Variants in SUCO observed in about 807,000 individuals in gnomAD.
SUCO encodes SUN domain-containing ossification factor.
Under a neutral mutation model 148.1 loss-of-function variants are expected in SUCO, and 57 were observed. The ratio of observed to expected loss-of-function variants is 0.38; its 90% CI spans 0.31 to 0.48. SUCO has a LOEUF of 0.48. SUCO is among the 20% of genes least tolerant of loss of function. The pLI is 0.96. For missense variants in SUCO, 1,331 were observed against 1,468.2 expected, an observed-to-expected ratio of 0.91 and a Z score of 1.53; for synonymous variants, 470 against 502.7, an observed-to-expected ratio of 0.93 and a Z score of 0.87.
At chr1:172,556,868 G>T in intron 4 of SUCO, 2 of 865,256 alleles carry the variant, frequency 2.3e-6, no homozygotes, top group Non-Finnish European at 2.8e-6. Flanking sequence ...TGGAGGTGAG[G>T]CAGGGAAAAA....
At chr1:172,564,190 AAAT>A (rs1453848700) in intron 6 of SUCO, among the ~76,000 whole-genome samples, 1 of 152,234 alleles carries the variant, frequency 6.6e-6, no homozygotes, top group Non-Finnish European at 1.5e-5. Flanking sequence ...TGCAGAGGGG[AAAT>A]ATGGGGTGGG....
intron 1 of SUCO, among the ~76,000 whole-genome samples, chr1:172,547,422 C>G (rs908660532): frequency 6.6e-6 from 1 of 152,134 alleles, no homozygotes; most frequent in Non-Finnish European, 1.5e-5. Context: ...AGAATTGCAA[C>G]TGCTGAAACG....
intron 6 of SUCO, 137 bp from the exon 7 acceptor site, chr1:172,568,882 G>A (rs1234094942): frequency 1.5e-5 from 13 of 849,322 alleles, no homozygotes; most frequent in South Asian, 1.1e-4. Context: ...TTCTTTTTAC[G>A]TTTTTTATTT....
Position 172,575,566 on chromosome 1 carries a change from T to G in SUCO, c.1206T>G (p.Asp402Glu). ...WIKLGTFHGR[D>E]ERNVQSFPLD... ...AGCTGGGTACTTTTCATGGTAGAGA[T>G]GAGCGGAATGTACAGAGTTTCCCTT... The change falls in exon 11 of 24, where the codon GAT becomes GAG. Residue 402 changes from aspartate to glutamate, a missense_variant. Asp to Glu is a conservative substitution (Grantham distance 45, BLOSUM62 2). Coordinates refer to ENST00000263688, the MANE Select transcript of SUCO (RefSeq NM_014283.5). 6.2e-7 allele frequency: 1 copy of G among 1,612,456 alleles called. No individual in the cohort carries two copies. The highest frequency in any genetic ancestry group is 8.5e-7 in the Non-Finnish European group (1 of 1,178,882).
intron 17 of SUCO, 73 bp downstream of exon 17, chr1:172,586,021 A>G: frequency 1.1e-6 from 1 of 929,692 alleles, no homozygotes; most frequent in Non-Finnish European, 1.6e-6. Context: ...AAAAAAAGGA[A>G]TTTGTGATTT....
intron 6 of SUCO, among the ~76,000 whole-genome samples, chr1:172,561,626 A>T (rs988062720): frequency 6.6e-5 from 10 of 152,038 alleles, no homozygotes; most frequent in African/African-American, 2.2e-4. Context: ...GGTGTTTCCT[A>T]GGAGGTTGGC....
chr1:172,600,806 A>T (rs1657460756), intron 20 of SUCO, among the ~76,000 whole-genome samples: 1 of 151,974 alleles, frequency 6.6e-6, no homozygotes. Flanking sequence ...TGGTATTACA[A>T]CTAAGTACTC....
Position 172,610,874 on chromosome 1 carries a change from G to C in SUCO, c.*615G>C, listed in dbSNP as rs1462101744. 1 of 152,554 alleles carries C rather than the reference G, an allele frequency of 6.6e-6. No individual in the cohort carries two copies. The highest frequency in any genetic ancestry group is 1.5e-5 in the Non-Finnish European group (1 of 68,016). 9.5% of individuals were successfully genotyped at this position (152,554 alleles called of 1,614,324 possible). On this transcript the variant is annotated 3_prime_UTR_variant, in exon 24 of 24. Transcript: ENST00000263688. ...ATTTTTAAGTCTGTTCTGTTAGGTA[G>C]ATGGTGATGCTCTTGTTATTTTCAC...
intron 23 of SUCO, chr1:172,609,230 A>G: frequency 3.1e-6 from 3 of 981,196 alleles, no homozygotes; most frequent in Non-Finnish European, 3.6e-6. Context: ...TTTTTTTTTA[A>G]TAAAAAAACA....
intron 10 of SUCO, among the ~76,000 whole-genome samples, chr1:172,575,310 A>AT (rs1655353270): frequency 6.6e-6 from 1 of 151,862 alleles, no homozygotes; most frequent in Non-Finnish European, 1.5e-5. Context: ...TAATGGTGTG[A>AT]TTTTTCAAGG....
chr1:172,609,099 CA>C (rs1356449701), intron 23 of SUCO: 11 of 352,380 alleles, frequency 3.1e-5, no homozygotes, highest in South Asian at 1.2e-4. Context: ...TGACCCTTCA[CA>C]AAAAAAATTT....
intron 23 of SUCO, 137 bp downstream of exon 23, chr1:172,608,939 A>G: frequency 1.5e-6 from 1 of 679,276 alleles, no homozygotes; most frequent in Non-Finnish European, 2.5e-6. Context: ...TAATGTTGTA[A>G]ATAAATATTA....
intron 1 of SUCO, chr1:172,541,956 G>A: frequency 3.7e-6 from 2 of 534,892 alleles, no homozygotes; most frequent in Non-Finnish European, 4.8e-6. Flanking sequence ...AATTGGTGGT[G>A]GTCAAAAAGA....
At chr1:172,570,774 G>T (rs745973299) in intron 9 of SUCO, 44 bp downstream of exon 9, 5 of 1,156,030 alleles carry the variant, frequency 4.3e-6, no homozygotes, top group South Asian at 1.3e-5. Context: ...ACATATATAT[G>T]CATATTATGT....
At chr1:172,583,734 G>A (rs1395074836) in intron 15 of SUCO, among the ~76,000 whole-genome samples, 1 of 152,104 alleles carries the variant, frequency 6.6e-6, no homozygotes, top group Non-Finnish European at 1.5e-5. Flanking sequence ...TTAATAGTAG[G>A]AGTATCTGAT....
In SUCO at chr1:172,533,518, G is replaced by T; in HGVS notation, c.62+21G>T. 4 of 1,527,854 alleles carry T rather than the reference G, an allele frequency of 2.6e-6. No homozygotes were observed. The South Asian group carries it at 5.0e-5, about 19-fold the overall frequency. 94.6% of individuals were successfully genotyped at this position (1,527,854 alleles called of 1,614,324 possible). A position where few individuals can be genotyped will look rare whatever the true frequency, so the allele number is the denominator to read the frequency against. On this transcript the variant is annotated intron_variant, in intron 1 of 23. Transcript: ENST00000263688. Reference sequence around the variant, plus strand: ...GTCTGGTGAGTAGCCGCGACGACAAGGGAGTTCCCGTGAGGGGAGTAAATG... The same window carrying T: ...GTCTGGTGAGTAGCCGCGACGACAATGGAGTTCCCGTGAGGGGAGTAAATG...
At chr1:172,546,515 G>A (rs979321071) in intron 1 of SUCO, among the ~76,000 whole-genome samples, 15 of 152,178 alleles carry the variant, frequency 9.9e-5, no homozygotes, top group East Asian at 3.9e-4. Context: ...TATGAAGGCC[G>A]TGTAGTAGTG....
At chr1:172,532,818 A>G, upstream of SUCO, 1 of 1,588,956 alleles carries the variant, frequency 6.3e-7, no homozygotes, top group Non-Finnish European at 8.5e-7. Flanking sequence ...TGTAAGGGGA[A>G]ATGCTGAGGA....
chr1:172,606,987 T>C (rs1166476063), intron 22 of SUCO, among the ~76,000 whole-genome samples: 2 of 151,930 alleles, frequency 1.3e-5, no homozygotes, highest in Non-Finnish European at 2.9e-5. Flanking sequence ...ATTTCAGTTA[T>C]TTTTTCCATT....
Sources: gnomAD v4.1 joint callset for allele counts (sites outside exome capture counted in the v4.1 genomes callset) on GRCh38, gnomAD v4.1.1 for gene constraint, MANE v1.5 for transcripts, NCBI Gene and HGNC (gene_info 2026-07-23, HGNC 2026-07-21) for gene names.